Variants in CACNA1I observed in about 807,000 individuals in gnomAD.
The protein encoded by CACNA1I is calcium voltage-gated channel subunit alpha1 I, also known as voltage-dependent T-type calcium channel subunit alpha-1I.
Under a neutral mutation model 201.6 loss-of-function variants are expected in CACNA1I, and 74 were observed. The ratio of observed to expected loss-of-function variants is 0.37; its 90% CI spans 0.30 to 0.45. The LOEUF (loss-of-function observed/expected upper bound fraction) is 0.45. Ranked by LOEUF, CACNA1I falls within the 20% of genes least tolerant of loss-of-function variation. CACNA1I has a pLI of 1.00. For synonymous variants in CACNA1I, 1,431 were observed against 1,345.2 expected, an observed-to-expected ratio of 1.06 and a Z score of -1.40; for missense variants, 2,346 against 3,138.1, an observed-to-expected ratio of 0.75 and a Z score of 6.03.
At chr22:39,598,357 C>A in intron 2 of CACNA1I, 95 bp downstream of exon 2, 1 of 635,698 alleles carries the variant, frequency 1.6e-6, no homozygotes, top group Non-Finnish European at 2.8e-6. Flanking sequence ...CATGTCCTGG[C>A]CTTGCCCCGC....
At chr22:39,673,811 A>G (rs1935442308) in intron 28 of CACNA1I, among the ~76,000 whole-genome samples, 152 bp from the exon 29 acceptor site, 1 of 152,120 alleles carries the variant, frequency 6.6e-6, no homozygotes, top group African/African-American at 2.4e-5. Context: ...GGCTGCACCC[A>G]CATTCTTGTA....
chr22:39,634,314 T>C (rs1934146914), intron 4 of CACNA1I, among the ~76,000 whole-genome samples: 1 of 152,204 alleles, frequency 6.6e-6, no homozygotes, highest in Non-Finnish European at 1.5e-5. Flanking sequence ...GCTGCATAAA[T>C]GCTTGCTTGT....
intron 1 of CACNA1I, among the ~76,000 whole-genome samples, chr22:39,581,509 A>G (rs1932548109): frequency 6.6e-6 from 1 of 152,138 alleles, no homozygotes; most frequent in South Asian, 2.1e-4. Flanking sequence ...AGAGAGGCGA[A>G]GTGCCTGTCC....
At chr22:39,642,683 C>A (rs988722345) in intron 6 of CACNA1I, 114 bp from the exon 7 acceptor site, 2 of 688,310 alleles carry the variant, frequency 2.9e-6, no homozygotes, top group Non-Finnish European at 5.2e-6. Flanking sequence ...AGACTCGAGG[C>A]AGCATGTGTG....
intron 3 of CACNA1I, among the ~76,000 whole-genome samples, chr22:39,603,456 A>T (rs1320076853): frequency 6.6e-6 from 1 of 151,954 alleles, no homozygotes; most frequent in Admixed American, 6.6e-5. Context: ...TCACAAGAAC[A>T]CTTCTTGTTT....
Position 39,661,960 on chromosome 22 carries a change from T to A in CACNA1I, c.2902-5T>A. On this transcript the variant is annotated splice_region_variant and splice_polypyrimidine_tract_variant and intron_variant, in intron 16 of 36. Coordinates refer to ENST00000402142, the MANE Select transcript of CACNA1I (RefSeq NM_021096.4). ...GGCGCTGACCCGAACGGGAACTCCT[T>A]CCAGTCCAGCTCCCGGAGCTCCTAC... 6.6e-7 allele frequency: 1 copy of A among 1,515,738 alleles called. No homozygotes were observed. Among genetic ancestry groups the A allele is most frequent in the Non-Finnish European group, 8.8e-7 (1 of 1,136,714 alleles). 93.9% of individuals were successfully genotyped at this position (1,515,738 alleles called of 1,614,324 possible). A position where few individuals can be genotyped will look rare whatever the true frequency, so the allele number is the denominator to read the frequency against.
intron 1 of CACNA1I, among the ~76,000 whole-genome samples, chr22:39,571,635 G>T (rs1601783977): frequency 6.6e-6 from 1 of 152,258 alleles, no homozygotes; most frequent in African/African-American, 2.4e-5. Context: ...TGAGCCTCAG[G>T]GTCCTCTCAC....
chr22:39,619,270 C>T lies in CACNA1I; in HGVS notation c.483-40C>T, dbSNP rs372277177. ...TGGCCCGGGCCCTGGCCCCAGCTGG[C>T]CTCCAGCACCATCCCTCACTCTCTC... On this transcript the variant is annotated intron_variant, in intron 3 of 36. Transcript: ENST00000402142. The T allele has an allele frequency of 2.8e-5, 42 of 1,513,388 alleles. No homozygotes were observed. In the Admixed American group the frequency reaches 2.8e-4, roughly 10 times the overall value. 93.7% of individuals were successfully genotyped at this position (1,513,388 alleles called of 1,614,324 possible).
At chr22:39,652,832 G>A (rs1338383903) in intron 10 of CACNA1I, among the ~76,000 whole-genome samples, 1 of 152,190 alleles carries the variant, frequency 6.6e-6, no homozygotes, top group East Asian at 1.9e-4. Flanking sequence ...TTGAACCCAG[G>A]AATTTGAGGC....
In CACNA1I at chr22:39,685,721, G is replaced by A; in HGVS notation, c.6028-40G>A. 7.1e-7 allele frequency: 1 copy of A among 1,411,128 alleles called. No homozygotes were observed. The highest frequency in any genetic ancestry group is 1.5e-5 in the South Asian group (1 of 66,338). The allele number at this position is 1,411,128 out of a possible 1,614,324, so 87.4% of individuals were successfully genotyped here. ...CGGCGTCCAGGTTGCTGGGGTGGGG[G>A]CCGACACAGGCGGCCTCCACGGCTC... On this transcript the variant is annotated intron_variant, in intron 36 of 36. Coordinates refer to ENST00000402142, the MANE Select transcript of CACNA1I (RefSeq NM_021096.4). The surrounding 1 kb of genome is among the most constrained non-coding windows in gnomAD (Gnocchi z 5.0).
chr22:39,580,934 C>T (rs1267807530), intron 1 of CACNA1I, among the ~76,000 whole-genome samples: 2 of 152,218 alleles, frequency 1.3e-5, no homozygotes, highest in Admixed American at 6.5e-5. Flanking sequence ...GTGGAGGCGC[C>T]CCCAGGCCTG....
chr22:39,615,644 T>C (rs1349028859), intron 3 of CACNA1I, among the ~76,000 whole-genome samples: 1 of 152,210 alleles, frequency 6.6e-6, no homozygotes, highest in Admixed American at 6.5e-5. Flanking sequence ...ATCCTTGTCC[T>C]GTGTCCTCCT....
rs758515310 is a variant in CACNA1I, at chr22:39,658,190, G to A, written c.2031G>A (p.Val677=). 1.7e-5 allele frequency: 28 copies of A among 1,613,856 alleles called. No individual in the cohort carries two copies. The highest frequency in any genetic ancestry group is 2.3e-5 in the Non-Finnish European group (27 of 1,179,874). Residue 677 remains valine (V), a synonymous_variant, in exon 11 of 37, where the codon GTG becomes GTA. Transcript: ENST00000402142. ...CCAACATCCTGGAGATCTGCAATGTGGTCTTCACCAGCATGTTTGCCCTGG... is the reference window on the plus strand; with the variant it reads ...CCAACATCCTGGAGATCTGCAATGTAGTCTTCACCAGCATGTTTGCCCTGG... The part of the protein sequence containing the change: ...ELTNILEICN[V]VFTSMFALEM...
Position 39,646,730 on chromosome 22 carries a change from G to A in CACNA1I, c.1311G>A (p.Glu437=), listed in dbSNP as rs556557800. 2.5e-6 allele frequency: 4 copies of A among 1,598,372 alleles called. No individual in the cohort carries two copies. In the African/African-American group the frequency reaches 4.0e-5, roughly 16 times the overall value. Residue 437 remains glutamate (E), a synonymous_variant, in exon 8 of 37, where the codon GAG becomes GAA. Coordinates refer to ENST00000402142, the MANE Select transcript of CACNA1I (RefSeq NM_021096.4). ...CCGAGCCTGGCGACTGCTACGAGGA[G>A]ATCTTCCAGTATGTCTGCCACATCC... ...SYAEPGDCYE[E]IFQYVCHILR...
In CACNA1I at chr22:39,660,354, A is replaced by G. The variant is rs1934965997; in HGVS notation, c.2615A>G (p.Asn872Ser). 6.2e-7 allele frequency: 1 copy of G among 1,612,434 alleles called. No individual in the cohort carries two copies. Among genetic ancestry groups the G allele is most frequent in the African/African-American group, 1.3e-5 (1 of 75,014 alleles). ...VEGFQAEGDA[N>S]RSYSDEDQSS... ...CGGATGCTCTCCCAGGGTGACGCCA[A>G]TCGCTCCTACTCGGACGAGGACCAG... Residue 872 changes from asparagine (N) to serine (S), a missense_variant, in exon 15 of 37, where the codon AAT becomes AGT. This residue lies in a region of CACNA1I where 92 missense variants were observed against 114.5 expected (regional missense o/e 0.80). Coordinates refer to ENST00000402142, the MANE Select transcript of CACNA1I (RefSeq NM_021096.4).
At chr22:39,599,708 T>C (rs1190282600) in intron 2 of CACNA1I, among the ~76,000 whole-genome samples, 1 of 148,784 alleles carries the variant, frequency 6.7e-6, no homozygotes, top group Non-Finnish European at 1.5e-5. Context: ...GGGTCTGGGG[T>C]CCGAGTGGGT....
intron 3 of CACNA1I, among the ~76,000 whole-genome samples, chr22:39,602,659 G>A (rs939570133): frequency 6.6e-6 from 1 of 152,016 alleles, no homozygotes; most frequent in Non-Finnish European, 1.5e-5. Context: ...TTGTGCTATT[G>A]TAGAGTCAGA....
chr22:39,586,719 C>T (rs5995753), intron 1 of CACNA1I, among the ~76,000 whole-genome samples: 3 of 152,198 alleles, frequency 2.0e-5, no homozygotes, highest in South Asian at 2.1e-4. Context: ...TGAACACAGA[C>T]GTGTGTTCAG....
Position 39,589,434 on chromosome 22 carries a change from G to T in CACNA1I, c.237-8717G>T, listed in dbSNP as rs1932796844. 2.0e-5 allele frequency among the ~76,000 whole-genome samples: 3 copies of T among 152,208 alleles called. No individual in the cohort carries two copies. The South Asian group carries it at 6.2e-4, about 31-fold the overall frequency. Reference sequence around the variant, plus strand: ...TTTATTATTCATTGAATAAACGAATGAACGAATGAATGTGTGAATGAGTGT... The same window carrying T: ...TTTATTATTCATTGAATAAACGAATTAACGAATGAATGTGTGAATGAGTGT... On this transcript the variant is annotated intron_variant, in intron 1 of 36. Coordinates refer to ENST00000402142, the MANE Select transcript of CACNA1I (RefSeq NM_021096.4).
Sources: allele counts gnomAD v4.1 joint callset (sites outside exome capture counted in the v4.1 genomes callset), GRCh38; gene constraint gnomAD v4.1.1; regional missense constraint gnomAD v4.1.1; non-coding constraint Gnocchi (gnomAD v3.1); transcripts MANE v1.5; gene names NCBI Gene and HGNC (gene_info 2026-07-23, HGNC 2026-07-21).